MLXIP: variants seen among roughly 807,000 people sequenced by gnomAD.
MLXIP encodes MLX interacting protein.
In MLXIP, 30 loss-of-function variants were observed where a neutral mutation model predicts 87.2. The observed-to-expected ratio is 0.34, with a 90% CI of 0.26 to 0.47. MLXIP has a LOEUF of 0.47. MLXIP is among the 20% of genes least tolerant of loss of function. The pLI, the probability that MLXIP is intolerant of heterozygous loss-of-function variation, is 1.00. For synonymous variants in MLXIP, 530 were observed against 514.0 expected, an observed-to-expected ratio of 1.03 and a Z score of -0.42; for missense variants, 1,002 against 1,240.1, an observed-to-expected ratio of 0.81 and a Z score of 2.88.
At position 122,146,610 on chromosome 12, in the gene MLXIP, T is replaced by G. The variant is rs1321504129; in HGVS notation, c.*4798T>G. ...GAACTCTTCACGTTGAATGTTGACT[T>G]TGTGTGTATGCGTGTGTGTGTGTGT... On this transcript the variant is annotated 3_prime_UTR_variant, in exon 17 of 17. Coordinates refer to ENST00000319080, the MANE Select transcript of MLXIP (RefSeq NM_014938.6). 5 of 135,660 alleles carry G rather than the reference T, an allele frequency of 3.7e-5. No homozygotes were observed. In the East Asian group the frequency reaches 8.8e-4, roughly 24 times the overall value. 8.4% of individuals were successfully genotyped at this position (135,660 alleles called of 1,614,324 possible). A position where few individuals can be genotyped will look rare whatever the true frequency, so the allele number is the denominator to read the frequency against.
Position 122,133,229 on chromosome 12 carries a change from T to A in MLXIP, c.1093-119T>A, listed in dbSNP as rs1037938480. On this transcript the variant is annotated intron_variant, in intron 8 of 16. Transcript: ENST00000319080. This position sits in a 1 kb window ranked among gnomAD's most constrained non-coding sequence, Gnocchi z 4.9. ...ATCAGCAGCCATGGACGTGGAGACG[T>A]GGCCTTTGTCCCTCTGTCCCAGCGC... 2.6e-5 allele frequency: 30 copies of A among 1,151,968 alleles called. No homozygotes were observed. The highest frequency in any genetic ancestry group is 3.4e-5 in the Non-Finnish European group (28 of 828,442). The allele number at this position is 1,151,968 out of a possible 1,614,324, so 71.4% of individuals were successfully genotyped here. A position where few individuals can be genotyped will look rare whatever the true frequency, so the allele number is the denominator to read the frequency against.
chr12:122,104,705 G>A (rs754136782), intron 1 of MLXIP, among the ~76,000 whole-genome samples: 6 of 150,464 alleles, frequency 4.0e-5, no homozygotes, highest in East Asian at 2.0e-4. Context: ...TCAGCCTCTC[G>A]AGTAGCTGGG....
At chr12:122,141,426 C>T (rs1173744326) in intron 16 of MLXIP, among the ~76,000 whole-genome samples, 1 of 152,310 alleles carries the variant, frequency 6.6e-6, no homozygotes, top group South Asian at 2.1e-4. Context: ...AGCTTAATAT[C>T]AGAACAGCTG....
chr12:122,114,759 G>GA (rs1391089094), intron 1 of MLXIP, among the ~76,000 whole-genome samples: 2 of 40,582 alleles, frequency 4.9e-5, no homozygotes, highest in Non-Finnish European at 9.9e-5. Context: ...TTTTTTTGGT[G>GA]GGGGGGGACA....
At chr12:122,100,726 T>C (rs1952423789) in intron 1 of MLXIP, among the ~76,000 whole-genome samples, 1 of 152,210 alleles carries the variant, frequency 6.6e-6, no homozygotes, top group Non-Finnish European at 1.5e-5. Context: ...CATAACTTGT[T>C]AAATTGAGTG....
In MLXIP at chr12:122,137,928, C is replaced by T. The variant is rs1010017144; in HGVS notation, c.2155-266C>T. Among the ~76,000 whole-genome samples the T allele has an allele frequency of 6.6e-6, 1 of 152,194 alleles. No homozygotes were observed. The stretch of plus-strand genomic sequence containing the variant: ...AGGAGGCAGGGCTGGGTGGGGAAGG[C>T]GGAGCTTGCAGCACCTGGGATGCAC... On this transcript the variant is annotated intron_variant, in intron 12 of 16. Transcript: ENST00000319080. This position sits in a 1 kb window ranked among gnomAD's most constrained non-coding sequence, Gnocchi z 4.1.
chr12:122,081,594 G>C (rs1162407187), intron 1 of MLXIP, among the ~76,000 whole-genome samples: 1 of 152,120 alleles, frequency 6.6e-6, no homozygotes, highest in Admixed American at 6.6e-5. Context: ...AGGCCGAGGT[G>C]GGGGATTGCT....
Position 122,129,169 on chromosome 12 carries a change from C to T in MLXIP, c.639C>T (p.Ser213=), listed in dbSNP as rs1347627100. 6.2e-7 allele frequency: 1 copy of T among 1,611,350 alleles called. No homozygotes were observed. The highest frequency in any genetic ancestry group is 2.2e-5 in the East Asian group (1 of 44,804). Reference sequence around the variant, plus strand: ...CCACGGAAGGGAAGTACTGGAAGAGCCGCATCGAGATTGTGATCCGGGAGT... The same window carrying T: ...CCACGGAAGGGAAGTACTGGAAGAGTCGCATCGAGATTGTGATCCGGGAGT... The part of the protein sequence containing the change: ...AITTEGKYWK[S]RIEIVIREYH... Residue 213 remains serine, a synonymous_variant, in exon 4 of 17, where the codon AGC becomes AGT. Transcript: ENST00000319080.
intron 1 of MLXIP, among the ~76,000 whole-genome samples, chr12:122,110,540 G>A (rs1593083592): frequency 6.6e-6 from 1 of 151,914 alleles, no homozygotes; most frequent in African/African-American, 2.4e-5. Context: ...ACCCGCTTCG[G>A]CCTCCTAAAG....
intron 1 of MLXIP, among the ~76,000 whole-genome samples, chr12:122,094,199 T>C (rs1327149877): frequency 2.6e-5 from 1 of 38,256 alleles, no homozygotes; most frequent in African/African-American, 7.1e-5. Flanking sequence ...TTGTGTGTGT[T>C]GGTGTGTGGA....
At chr12:122,110,069 A>C (rs1273052200) in intron 1 of MLXIP, among the ~76,000 whole-genome samples, 1 of 152,126 alleles carries the variant, frequency 6.6e-6, no homozygotes, top group Non-Finnish European at 1.5e-5. Flanking sequence ...GGAGGGATAC[A>C]ATTCCAGACC....
intron 1 of MLXIP, among the ~76,000 whole-genome samples, chr12:122,094,402 G>A (rs1164820103): frequency 1.4e-5 from 2 of 138,210 alleles, no homozygotes; most frequent in African/African-American, 5.5e-5. Flanking sequence ...TTGGTGTGTG[G>A]TGTGTGTGGT....
intron 1 of MLXIP, among the ~76,000 whole-genome samples, chr12:122,108,367 C>CAAAAAAAAAAAAAAAAAA (rs61424369): frequency 1.2e-5 from 1 of 80,546 alleles, no homozygotes; most frequent in Non-Finnish European, 2.4e-5. Flanking sequence ...GACTCCATCT[C>CAAAAAAAAAAAAAAAAAA]AAAAAAAAAA....
intron 1 of MLXIP, among the ~76,000 whole-genome samples, chr12:122,119,020 G>T (rs1041560277): frequency 1.3e-5 from 2 of 151,806 alleles, no homozygotes; most frequent in African/African-American, 4.8e-5. Context: ...CAAAAAATTA[G>T]CTGGGCATGG....
rs772711690 is a variant in MLXIP, at chr12:122,138,286, T to C, written c.2247T>C (p.Asn749=). ...FDMLNSLISN[N]SKLTSHAITL... is the part of the protein sequence containing the mutation. ...TGCTCAACAGCCTCATCTCCAACAA[T>C]TCCAAGCTGGTGAGTTGCCAAGAGC... Residue 749 remains asparagine, a synonymous_variant, in exon 13 of 17, where the codon AAT becomes AAC. Coordinates refer to ENST00000319080, the MANE Select transcript of MLXIP (RefSeq NM_014938.6). 1 of 1,613,752 alleles carries C rather than the reference T, an allele frequency of 6.2e-7. No homozygotes were observed. The highest frequency in any genetic ancestry group is 2.2e-5 in the East Asian group (1 of 44,864).
intron 1 of MLXIP, among the ~76,000 whole-genome samples, chr12:122,107,396 C>T (rs538845004): frequency 1.3e-5 from 2 of 152,284 alleles, no homozygotes; most frequent in African/African-American, 2.4e-5. Context: ...AGCATCCCCC[C>T]ACAGTCGTTC....
At chr12:122,079,350 AC>A (rs1386034923) in intron 1 of MLXIP, 84 bp downstream of exon 1, 1 of 1,230,118 alleles carries the variant, frequency 8.1e-7, no homozygotes, top group South Asian at 1.3e-5. Flanking sequence ...CCGCCTGGCA[AC>A]CCCGTGGCTT....
intron 1 of MLXIP, among the ~76,000 whole-genome samples, chr12:122,093,430 GGT>G (rs1157794294): frequency 3.5e-5 from 5 of 144,038 alleles, no homozygotes; most frequent in South Asian, 2.3e-4. Flanking sequence ...TTATATGTGG[GGT>G]GTGTGTGTTG....
At chr12:122,083,391 C>T (rs905787800) in intron 1 of MLXIP, among the ~76,000 whole-genome samples, 16 of 151,868 alleles carry the variant, frequency 1.1e-4, no homozygotes, top group South Asian at 2.1e-4. Flanking sequence ...GCCCCCTCCA[C>T]GAATGCTTTG....
Sources: allele counts gnomAD v4.1 joint callset (sites outside exome capture counted in the v4.1 genomes callset), GRCh38; gene constraint gnomAD v4.1.1; non-coding constraint Gnocchi (gnomAD v3.1); transcripts MANE v1.5; gene names NCBI Gene and HGNC (gene_info 2026-07-23, HGNC 2026-07-21).